The following TUBB8B variants were observed in gnomAD, a reference collection of about 807,000 sequenced individuals.
TUBB8B encodes HSA18p11 beta-tubulin 4Q pseudogene.
Under a neutral mutation model 31.9 loss-of-function variants are expected in TUBB8B, and 26 were observed. The ratio of observed to expected loss-of-function variants is 0.81; its 90% CI spans 0.60 to 1.13. The LOEUF (loss-of-function observed/expected upper bound fraction) is 1.13. Among genes scored for constraint, TUBB8B ranks in the 50% most tolerant of loss-of-function variants. The pLI is 0.00. For missense variants in TUBB8B, 467 were observed against 586.7 expected (o/e 0.80, Z 2.11); for synonymous variants, 173 against 231.0 (o/e 0.75, Z 2.28).
the TUBB8B span, among the ~76,000 whole-genome samples, chr18:72,568 G>A: frequency 2.0e-5 from 3 of 152,070 alleles, no homozygotes; most frequent in Admixed American, 6.6e-5. Flanking sequence ...ACAAGGTCTC[G>A]CTCTGTTGCC....
At chr18:68,473 G>T in the TUBB8B span, among the ~76,000 whole-genome samples, 1 of 152,264 alleles carries the variant, frequency 6.6e-6, no homozygotes, top group East Asian at 1.9e-4. Flanking sequence ...ATGTTCCTGA[G>T]CTGTCCCTCA....
At position 49,590 on chromosome 18, in the gene TUBB8B, G is replaced by T. The variant is rs1463699201; in HGVS notation, c.-33C>A. 5.2e-6 allele frequency: 4 copies of T among 775,890 alleles called. No individual in the cohort carries two copies. The highest frequency in any genetic ancestry group is 3.2e-5 in the South Asian group (2 of 63,022). 48.1% of individuals were successfully genotyped at this position (775,890 alleles called of 1,614,324 possible). ...GCAGGATTAGGGCGGCAGCAGAAGC[G>T]CGAGAAGGAGGAGCAGACGCGCAGC... On this transcript the variant is annotated 5_prime_UTR_variant, in exon 1 of 4. Coordinates refer to ENST00000308911, the MANE Select transcript of TUBB8B (RefSeq NM_001358689.2).
At chr18:51,186 G>A (rs200785679), upstream of TUBB8B, among the ~76,000 whole-genome samples, 92 of 135,144 alleles carry the variant, frequency 6.8e-4, no homozygotes, top group East Asian at 1.1e-3. Context: ...AAAACAACTT[G>A]CATCTGTTAA....
At chr18:67,208 G>C in the TUBB8B span, among the ~76,000 whole-genome samples, 2 of 152,148 alleles carry the variant, frequency 1.3e-5, no homozygotes, top group Non-Finnish European at 2.9e-5. Context: ...TGTTAGCCAG[G>C]ATGGTATCGA....
At chr18:54,861 A>C in the TUBB8B span, among the ~76,000 whole-genome samples, 2 of 151,944 alleles carry the variant, frequency 1.3e-5, no homozygotes, top group Admixed American at 6.6e-5. Flanking sequence ...AAGCCACCTT[A>C]ACTGAGGTGA....
At chr18:49,877 C>A, upstream of TUBB8B, 3 of 531,524 alleles carry the variant, frequency 5.6e-6, no homozygotes, top group South Asian at 4.6e-5. Flanking sequence ...CTGAATTTTC[C>A]TCCCATGTGG....
chr18:61,802 G>T, the TUBB8B span, among the ~76,000 whole-genome samples: 42,318 of 150,800 alleles, frequency 0.28, 6,551 homozygotes, highest in East Asian at 0.46. Context: ...CTATTTTACT[G>T]TCTATGTCTT....
chr18:50,956 G>A (rs1368119988), upstream of TUBB8B, among the ~76,000 whole-genome samples: 1 of 151,782 alleles, frequency 6.6e-6, no homozygotes, highest in South Asian at 2.1e-4. Flanking sequence ...TTGGGGTCAG[G>A]AGTCCCCACC....
the TUBB8B span, among the ~76,000 whole-genome samples, chr18:55,099 T>G: frequency 6.8e-6 from 1 of 147,704 alleles, no homozygotes; most frequent in Non-Finnish European, 1.5e-5. Flanking sequence ...TGAGACTGGG[T>G]TATTTATCTA....
chr18:51,521 CCT>C (rs1474216484), upstream of TUBB8B, among the ~76,000 whole-genome samples: 1 of 151,964 alleles, frequency 6.6e-6, no homozygotes, highest in African/African-American at 2.4e-5. Flanking sequence ...CTCACTGCAA[CCT>C]CTGATTCCCG....
chr18:55,945 G>T, the TUBB8B span, among the ~76,000 whole-genome samples: 2 of 151,690 alleles, frequency 1.3e-5, 1 homozygote, highest in Non-Finnish European at 2.9e-5. Context: ...GTGTTTTCTT[G>T]TAAAATTTTG....
the TUBB8B span, among the ~76,000 whole-genome samples, chr18:69,751 A>G: frequency 7.9e-5 from 12 of 152,368 alleles, no homozygotes; most frequent in African/African-American, 2.9e-4. Context: ...TGAAAACAAG[A>G]TAAACTAAGA....
At position 47,596 on chromosome 18, in the gene TUBB8B, G is replaced by A; in HGVS notation, c.1129C>T (p.Leu377Phe). Residue 377 changes from leucine (L) to phenylalanine (F), a missense_variant, in exon 4 of 4, where the codon CTC becomes TTC. Physicochemically the swap from Leu to Phe is conservative, Grantham distance 22. Transcript: ENST00000308911. Reference protein sequence around the residue: ...FIGNNAAIQELFTCVSEQFTA... With the variant: ...FIGNNAAIQEFFTCVSEQFTA... ...AACTGCTCTGAGACACATGTGAAGA[G>A]TTCCTGGATGGCCGCATTATTCCCA... The A allele has an allele frequency of 6.2e-7, 1 of 1,612,410 alleles. No individual in the cohort carries two copies.
chr18:48,015 G>C lies in TUBB8B; in HGVS notation c.710C>G (p.Thr237Ser), dbSNP rs1905758746. 1.9e-6 allele frequency: 3 copies of C among 1,612,550 alleles called. No homozygotes were observed. Among genetic ancestry groups the C allele is most frequent in the South Asian group, 2.2e-5 (2 of 91,024 alleles). ...CTGGCCTGGGAAGCGCAGGCATGTG[G>C]TGACCCCACTCATGGTAGCAGACAC... ...HLVSATMSGV[T>S]TCLRFPGQLN... The change falls in exon 4 of 4, where the codon ACC becomes AGC. Residue 237 changes from threonine to serine, a missense_variant. Physicochemically the swap from Thr to Ser is moderately conservative, Grantham distance 58 (BLOSUM62 1). Transcript: ENST00000308911.
At chr18:52,874 A>T (rs535124703), upstream of TUBB8B, among the ~76,000 whole-genome samples, 78 of 151,900 alleles carry the variant, frequency 5.1e-4, 2 homozygotes, top group African/African-American at 1.8e-3. Flanking sequence ...CTCTACTCTA[A>T]CTATAAAGAG....
In TUBB8B at chr18:47,849, C is replaced by G; in HGVS notation, c.876G>C (p.Gln292His). ...RALTVAELTQ[Q>H]MFDAKNMMAA... Reference sequence around the variant, plus strand: ...CCATCATGTTCTTAGCATCAAACATCTGCTGGGTGAGCTCAGCCACAGTCA... The same window carrying G: ...CCATCATGTTCTTAGCATCAAACATGTGCTGGGTGAGCTCAGCCACAGTCA... The change falls in exon 4 of 4, where the codon CAG (glutamine) becomes CAC (histidine). Residue 292 changes from glutamine (Q) to histidine (H), a missense_variant. Gln to His is a conservative substitution (Grantham distance 24). Coordinates refer to ENST00000308911, the MANE Select transcript of TUBB8B (RefSeq NM_001358689.2). 1.2e-6 allele frequency: 2 copies of G among 1,611,342 alleles called. No individual in the cohort carries two copies. Among genetic ancestry groups the G allele is most frequent in the Non-Finnish European group, 8.5e-7 (1 of 1,179,464 alleles).
At chr18:61,898 A>T in the TUBB8B span, among the ~76,000 whole-genome samples, 2 of 151,662 alleles carry the variant, frequency 1.3e-5, no homozygotes, top group African/African-American at 4.8e-5. Context: ...CCATGTTATA[A>T]TATTCTGTGT....
At chr18:70,414 C>T in the TUBB8B span, among the ~76,000 whole-genome samples, 8 of 152,172 alleles carry the variant, frequency 5.3e-5, no homozygotes, top group African/African-American at 1.7e-4. Flanking sequence ...GGGCAGATCA[C>T]TTGAGGTAAG....
At chr18:53,722 G>C (rs1483664810), upstream of TUBB8B, among the ~76,000 whole-genome samples, 1 of 151,782 alleles carries the variant, frequency 6.6e-6, no homozygotes, top group Non-Finnish European at 1.5e-5. Context: ...GCCCACCTTG[G>C]CCTCCCAAAT....
Sources: allele counts gnomAD v4.1 joint callset (sites outside exome capture counted in the v4.1 genomes callset), GRCh38; gene constraint gnomAD v4.1.1; transcripts MANE v1.5; gene names NCBI Gene and HGNC (gene_info 2026-07-23, HGNC 2026-07-21).